KBTBD6: variants seen among roughly 807,000 people sequenced by gnomAD.
KBTBD6 encodes the protein kelch repeat and BTB domain containing 6, also known as kelch repeat and BTB domain-containing protein 6.
In KBTBD6, 6 loss-of-function variants were observed where a neutral mutation model predicts 34.4. That is an observed-to-expected ratio of 0.17 (90% confidence interval 0.10 to 0.34). The LOEUF is 0.34. KBTBD6 is among the 10% of genes least tolerant of loss of function. The pLI, the probability that KBTBD6 is intolerant of heterozygous loss-of-function variation, is 1.00. For missense variants in KBTBD6, 557 were observed against 856.0 expected, an observed-to-expected ratio of 0.65 and a Z score of 4.36; for synonymous variants, 288 against 327.2, an observed-to-expected ratio of 0.88 and a Z score of 1.29.
chr13:41,132,634 C>A lies in KBTBD6; in HGVS notation c.-123G>T. 1 of 1,187,134 alleles carries A rather than the reference C, an allele frequency of 8.4e-7. No individual in the cohort carries two copies. The highest frequency in any genetic ancestry group is 1.2e-6 in the Non-Finnish European group (1 of 843,302). The allele number at this position is 1,187,134 out of a possible 1,614,324, so 73.5% of individuals were successfully genotyped here. The stretch of plus-strand genomic sequence containing the variant: ...CTCCGAAGAGACAGCAGCACGAGCC[C>A]ATTTACTGAATTCAACCCTACCCCG... On this transcript the variant is annotated 5_prime_UTR_variant, in exon 1 of 1. It removes an upstream start codon present in the reference 5' UTR. Transcript: ENST00000379485.
At position 41,131,968 on chromosome 13, in the gene KBTBD6, C is replaced by T. The variant is rs1470161950; in HGVS notation, c.544G>A (p.Ala182Thr). ...GATCGCAGCTTGCGATGGCCAAAGG[C>T]ATCTGCAAACTTGAGGATGGCGGTG... ...NCTAILKFAD[A>T]FGHRKLRSQA... Residue 182 changes from alanine (A) to threonine (T), a missense_variant, in exon 1 of 1, where the codon GCC becomes ACC. Around this residue, in one of 4 missense-constraint regions of KBTBD6, gnomAD observed 108 missense variants for 209.6 expected, o/e 0.52. Transcript: ENST00000379485. This position sits in a 1 kb window ranked among gnomAD's most constrained non-coding sequence, Gnocchi z 5.8. 1 of 1,614,148 alleles carries T rather than the reference C, an allele frequency of 6.2e-7. No individual in the cohort carries two copies.
Position 41,132,583 on chromosome 13 carries a change from C to T in KBTBD6, c.-72G>A, listed in dbSNP as rs2030129943. On this transcript the variant is annotated 5_prime_UTR_variant, in exon 1 of 1. Coordinates refer to ENST00000379485, the MANE Select transcript of KBTBD6 (RefSeq NM_152903.5). ...CGGCTCTGGCTCCTCCTCAACCTTC[C>T]CTCGCTGACGCTAAGATAGCAGCGT... The T allele has an allele frequency of 2.0e-6, 3 of 1,515,804 alleles. No individual in the cohort carries two copies. Among genetic ancestry groups the T allele is most frequent in the Non-Finnish European group, 2.7e-6 (3 of 1,114,010 alleles). The allele number at this position is 1,515,804 out of a possible 1,614,324, so 93.9% of individuals were successfully genotyped here.
rs779310444 is a variant in KBTBD6, at chr13:41,130,460, C to T, written c.*27G>A. 2 of 1,522,176 alleles carry T rather than the reference C, an allele frequency of 1.3e-6. No homozygotes were observed. The highest frequency in any genetic ancestry group is 2.8e-5 in the African/African-American group (2 of 72,262). 94.3% of individuals were successfully genotyped at this position (1,522,176 alleles called of 1,614,324 possible). On this transcript the variant is annotated 3_prime_UTR_variant, in exon 1 of 1. Coordinates refer to ENST00000379485, the MANE Select transcript of KBTBD6 (RefSeq NM_152903.5). The surrounding 1 kb of genome is among the most constrained non-coding windows in gnomAD (Gnocchi z 4.8). ...ACAACTTAGTGTTTCAATCTAGTTA[C>T]AACAAACCCTGTTGATCCTGTGCAT...
rs1338147977 is a variant in KBTBD6, at chr13:41,130,745, A to G, written c.1767T>C (p.Asp589=). ...KKNRVTVYEY[D]IRGDQWINIG... The stretch of plus-strand genomic sequence containing the variant: ...TATTAATCCATTGGTCTCCCCTAAT[A>G]TCATATTCATACACAGTCACCCGGT... The change falls in exon 1 of 1, where the codon GAT becomes GAC. Residue 589 remains aspartate, a synonymous_variant. Coordinates refer to ENST00000379485, the MANE Select transcript of KBTBD6 (RefSeq NM_152903.5). This position sits in a 1 kb window ranked among gnomAD's most constrained non-coding sequence, Gnocchi z 4.8. 6.2e-7 allele frequency: 1 copy of G among 1,614,212 alleles called. No homozygotes were observed. Among genetic ancestry groups the G allele is most frequent in the East Asian group, 2.2e-5 (1 of 44,886 alleles).
Position 41,128,787 on chromosome 13 carries a change from C to G in KBTBD6, c.*1700G>C. The G allele has an allele frequency of 3.1e-6, 1 of 319,908 alleles. No individual in the cohort carries two copies. Among genetic ancestry groups the G allele is most frequent in the Non-Finnish European group, 5.7e-6 (1 of 175,566 alleles). The allele number at this position is 319,908 out of a possible 1,614,324, so 19.8% of individuals were successfully genotyped here. On this transcript the variant is annotated 3_prime_UTR_variant, in exon 1 of 1. Transcript: ENST00000379485. Reference sequence around the variant, plus strand: ...TGATCCTACATTCAAGTGATCCTCCCAAGTAACTGGGACTCAGACTTGGGC... The same window carrying G: ...TGATCCTACATTCAAGTGATCCTCCGAAGTAACTGGGACTCAGACTTGGGC...
In KBTBD6 at chr13:41,127,814, T is replaced by C. The variant is rs1343463690; in HGVS notation, c.*2673A>G. 2 of 152,192 alleles carry C rather than the reference T, an allele frequency of 1.3e-5. No individual in the cohort carries two copies. The highest frequency in any genetic ancestry group is 2.9e-5 in the Non-Finnish European group (2 of 68,018). The allele number at this position is 152,192 out of a possible 1,614,324, so 9.4% of individuals were successfully genotyped here. Reference sequence around the variant, plus strand: ...TCTGTTTGAGATAAGCACTGTCATGTTTCAACCTTAGAGAACAAAAAGCTA... The same window carrying C: ...TCTGTTTGAGATAAGCACTGTCATGCTTCAACCTTAGAGAACAAAAAGCTA... On this transcript the variant is annotated 3_prime_UTR_variant, in exon 1 of 1. Coordinates refer to ENST00000379485, the MANE Select transcript of KBTBD6 (RefSeq NM_152903.5).
At position 41,128,034 on chromosome 13, in the gene KBTBD6, C is replaced by T. The variant is rs1181209377; in HGVS notation, c.*2453G>A. The T allele has an allele frequency of 6.6e-6, 1 of 152,284 alleles. No homozygotes were observed. The highest frequency in any genetic ancestry group is 1.5e-5 in the Non-Finnish European group (1 of 68,130). The allele number at this position is 152,284 out of a possible 1,614,324, so 9.4% of individuals were successfully genotyped here. A position where few individuals can be genotyped will look rare whatever the true frequency, so the allele number is the denominator to read the frequency against. ...TTATTTCACTAAAAGTGATGTTAAA[C>T]GTGAATGTCTTGTAGACTATTTAAA... On this transcript the variant is annotated 3_prime_UTR_variant, in exon 1 of 1. Coordinates refer to ENST00000379485, the MANE Select transcript of KBTBD6 (RefSeq NM_152903.5).
In KBTBD6 at chr13:41,127,768, C is replaced by G. The variant is rs1398650095; in HGVS notation, c.*2719G>C. 2.0e-5 allele frequency: 3 copies of G among 152,148 alleles called. No homozygotes were observed. Among genetic ancestry groups the G allele is most frequent in the Non-Finnish European group, 4.4e-5 (3 of 68,036 alleles). 9.4% of individuals were successfully genotyped at this position (152,148 alleles called of 1,614,324 possible). On this transcript the variant is annotated 3_prime_UTR_variant, in exon 1 of 1. Coordinates refer to ENST00000379485, the MANE Select transcript of KBTBD6 (RefSeq NM_152903.5). ...TTTCTTTCATACATAAATTGCTTTC[C>G]TTAGTTCTGCAGATGGGTAATCTGT...
At position 41,132,044 on chromosome 13, in the gene KBTBD6, C is replaced by T. The variant is rs147774028; in HGVS notation, c.468G>A (p.Val156=). 2.4e-3 allele frequency: 3,926 copies of T among 1,614,230 alleles called. 10 individuals are homozygous for T. The highest frequency in any genetic ancestry group is 7.8e-3 in the Middle Eastern group (47 of 6,052). ...CTAAGAAGGAGGCACAGGCTTCCCGCACATATTCCAGCTGTAGCATGTCGG... is the reference window on the plus strand; with the variant it reads ...CTAAGAAGGAGGCACAGGCTTCCCGTACATATTCCAGCTGTAGCATGTCGG... The part of the protein sequence containing the change: ...AASDMLQLEY[V]REACASFLAR... Residue 156 remains valine (V), a synonymous_variant, in exon 1 of 1, where the codon GTG becomes GTA. Transcript: ENST00000379485.
chr13:41,131,356 C>T lies in KBTBD6; in HGVS notation c.1156G>A (p.Ala386Thr). ...LAHTRTVTTL[A>T]VCISPDHDIY... ...TCATGGTCAGGAGAGATACAGACAG[C>T]TAAAGTGGTGACAGTCCTAGTGTGA... The change falls in exon 1 of 1, where the codon GCT (alanine) becomes ACT (threonine). Residue 386 changes from alanine (A) to threonine (T), a missense_variant. Ala to Thr is a moderately conservative substitution (Grantham distance 58). Around this residue, in one of 4 missense-constraint regions of KBTBD6, gnomAD observed 309 missense variants for 504.5 expected, o/e 0.61. Transcript: ENST00000379485. This position sits in a 1 kb window ranked among gnomAD's most constrained non-coding sequence, Gnocchi z 5.8. 1 of 1,614,092 alleles carries T rather than the reference C, an allele frequency of 6.2e-7. No individual in the cohort carries two copies. The highest frequency in any genetic ancestry group is 1.1e-5 in the South Asian group (1 of 91,068).
chr13:41,128,088 TG>T lies in KBTBD6; in HGVS notation c.*2398del, dbSNP rs369808780. The stretch of plus-strand genomic sequence containing the variant: ...CCAGTCAAATGGCTAAAAAAACCAT[TG>T]TTTTTTTGTTATAACTCTTTGTGTC... On this transcript the variant is annotated 3_prime_UTR_variant, in exon 1 of 1. Transcript: ENST00000379485. The T allele has an allele frequency of 5.6e-4, 86 of 153,906 alleles. 1 individual carries two copies. The South Asian group carries it at 6.0e-3, about 11-fold the overall frequency. The allele number at this position is 153,906 out of a possible 1,614,324, so 9.5% of individuals were successfully genotyped here.
Position 41,130,525 on chromosome 13 carries a change from A to G in KBTBD6, c.1987T>C (p.Ser663Pro). The G allele has an allele frequency of 3.1e-6, 5 of 1,614,078 alleles. No homozygotes were observed. The highest frequency in any genetic ancestry group is 4.2e-6 in the Non-Finnish European group (5 of 1,179,964). ...ACACGCACCCAAAAATCATCATCAG[A>G]AAGAGAACTTGAACTTCCTGACTCA... ...DSESGSSSSL[S>P]DDDFWVRVAP... The change falls in exon 1 of 1, where the codon TCT becomes CCT. Residue 663 changes from serine to proline, a missense_variant. By Grantham distance (74) the Ser-to-Pro change is moderately conservative. Transcript: ENST00000379485. This position sits in a 1 kb window ranked among gnomAD's most constrained non-coding sequence, Gnocchi z 4.8.
At position 41,130,435 on chromosome 13, in the gene KBTBD6, A is replaced by T. The variant is rs572184493; in HGVS notation, c.*52T>A. The T allele has an allele frequency of 3.5e-5, 46 of 1,327,670 alleles. 1 individual carries two copies. In the South Asian group the frequency reaches 5.9e-4, roughly 17 times the overall value. The allele number at this position is 1,327,670 out of a possible 1,614,324, so 82.2% of individuals were successfully genotyped here. ...TAAGATATTTTCCAAAACAGTAAAA[A>T]CAACTTAGTGTTTCAATCTAGTTAC... is the stretch of plus-strand genomic sequence containing the variant. On this transcript the variant is annotated 3_prime_UTR_variant, in exon 1 of 1. Coordinates refer to ENST00000379485, the MANE Select transcript of KBTBD6 (RefSeq NM_152903.5). The surrounding 1 kb of genome is among the most constrained non-coding windows in gnomAD (Gnocchi z 4.8).
In KBTBD6 at chr13:41,128,649, G is replaced by C; in HGVS notation, c.*1838C>G. ...AACTATCAACTTTGTTTTTCTAAGA[G>C]ATGGGATCTCGTTCTGTTGCCAAAG... On this transcript the variant is annotated 3_prime_UTR_variant, in exon 1 of 1. Transcript: ENST00000379485. 1 of 385,182 alleles carries C rather than the reference G, an allele frequency of 2.6e-6. No individual in the cohort carries two copies. The highest frequency in any genetic ancestry group is 3.6e-5 in the East Asian group (1 of 27,596). 23.9% of individuals were successfully genotyped at this position (385,182 alleles called of 1,614,324 possible). A position where few individuals can be genotyped will look rare whatever the true frequency, so the allele number is the denominator to read the frequency against.
Position 41,129,649 on chromosome 13 carries a change from CTTTT to C in KBTBD6, c.*834_*837del, listed in dbSNP as rs1217628137. 4 of 117,678 alleles carry C rather than the reference CTTTT, an allele frequency of 3.4e-5. No homozygotes were observed. The highest frequency in any genetic ancestry group is 9.7e-5 in the African/African-American group (3 of 30,870). The allele number at this position is 117,678 out of a possible 1,614,324, so 7.3% of individuals were successfully genotyped here. On this transcript the variant is annotated 3_prime_UTR_variant, in exon 1 of 1. Coordinates refer to ENST00000379485, the MANE Select transcript of KBTBD6 (RefSeq NM_152903.5). ...CCCTAATACACATATGGTTTTTTTTCTTTTTTTTTTTTCCTTTTTTTTTTTTTTT... is the reference window on the plus strand; with the variant it reads ...CCCTAATACACATATGGTTTTTTTTCTTTTTTTTCCTTTTTTTTTTTTTTT...
In KBTBD6 at chr13:41,128,265, A is replaced by G; in HGVS notation, c.*2222T>C. 1 of 304,832 alleles carries G rather than the reference A, an allele frequency of 3.3e-6. No individual in the cohort carries two copies. Among genetic ancestry groups the G allele is most frequent in the Non-Finnish European group, 6.0e-6 (1 of 165,738 alleles). The allele number at this position is 304,832 out of a possible 1,614,324, so 18.9% of individuals were successfully genotyped here. On this transcript the variant is annotated 3_prime_UTR_variant, in exon 1 of 1. Transcript: ENST00000379485. ...CTGAAGAGGAATTAGCATGTTAATG[A>G]ACAAAGATTAAGGAAGGTAATACTA...
At position 41,132,532 on chromosome 13, in the gene KBTBD6, C is replaced by T; in HGVS notation, c.-21G>A. 6.2e-7 allele frequency: 1 copy of T among 1,604,966 alleles called. No individual in the cohort carries two copies. ...TGCATGGTGGAGATGGCGACGGGCG[C>T]TGATGGCGAGAAACGCTGCAGGACC... On this transcript the variant is annotated 5_prime_UTR_variant, in exon 1 of 1. Coordinates refer to ENST00000379485, the MANE Select transcript of KBTBD6 (RefSeq NM_152903.5).
In KBTBD6 at chr13:41,132,026, G is replaced by A; in HGVS notation, c.486C>T (p.Ser162=). ...TCAGGTCAAGACGTCGGGCTAAGAA[G>A]GAGGCACAGGCTTCCCGCACATATT... The part of the protein sequence containing the change: ...QLEYVREACA[S]FLARRLDLTN... The change falls in exon 1 of 1, where the codon TCC becomes TCT. Residue 162 remains serine (S), a synonymous_variant. Transcript: ENST00000379485. 3 of 1,614,276 alleles carry A rather than the reference G, an allele frequency of 1.9e-6. No individual in the cohort carries two copies. Among genetic ancestry groups the A allele is most frequent in the Non-Finnish European group, 2.5e-6 (3 of 1,180,052 alleles).
In KBTBD6 at chr13:41,127,676, C is replaced by T. The variant is rs549312517; in HGVS notation, c.*2811G>A. 2.0e-5 allele frequency: 3 copies of T among 152,192 alleles called. No homozygotes were observed. Among genetic ancestry groups the T allele is most frequent in the Non-Finnish European group, 2.9e-5 (2 of 68,038 alleles). The allele number at this position is 152,192 out of a possible 1,614,324, so 9.4% of individuals were successfully genotyped here. On this transcript the variant is annotated 3_prime_UTR_variant, in exon 1 of 1. Transcript: ENST00000379485. ...ACAGAAATATCACAAAACCAAAATC[C>T]TTCCCACGATATATTACTATTTAGT...
Sources: allele counts gnomAD v4.1 joint callset, GRCh38; gene constraint gnomAD v4.1.1; regional missense constraint gnomAD v4.1.1; non-coding constraint Gnocchi (gnomAD v3.1); transcripts MANE v1.5; gene names NCBI Gene and HGNC (gene_info 2026-07-23, HGNC 2026-07-21).